The following ABCC9 variants were observed in gnomAD, a reference collection of about 807,000 sequenced individuals.
ABCC9 encodes ATP binding cassette subfamily C member 9, also known as ATP-binding cassette sub-family C member 9.
Under a neutral mutation model 188.3 loss-of-function variants are expected in ABCC9, and 95 were observed. The ratio of observed to expected loss-of-function variants is 0.50; its 90% CI spans 0.43 to 0.60. The LOEUF is 0.60. Among genes scored for constraint, ABCC9 ranks in the 20% least tolerant of loss-of-function variants. ABCC9 has a pLI of 0.00. For synonymous variants in ABCC9, 659 were observed against 652.7 expected (o/e 1.01, Z -0.15); for missense variants, 1,102 against 1,876.3 (o/e 0.59, Z 7.62).
chr12:21,859,572 G>A lies in ABCC9; in HGVS notation c.2505+14C>T. 1.2e-6 allele frequency: 2 copies of A among 1,611,260 alleles called. No individual in the cohort carries two copies. The highest frequency in any genetic ancestry group is 1.7e-6 in the Non-Finnish European group (2 of 1,177,474). ...AGAATGAAATAGAAATAAAAGGGAA[G>A]GCCATATTCTTACCAAAAAGACAAT... On this transcript the variant is annotated intron_variant, in intron 22 of 39. Transcript: ENST00000261200.
chr12:21,837,732 C>T (rs556902037), intron 30 of ABCC9, among the ~76,000 whole-genome samples: 33 of 151,998 alleles, frequency 2.2e-4, no homozygotes, highest in Admixed American at 1.4e-3. Flanking sequence ...GTTAATACTT[C>T]GCAGGGATAA....
At chr12:21,811,975 C>T in intron 36 of ABCC9, 74 bp downstream of exon 36, 2 of 1,058,390 alleles carry the variant, frequency 1.9e-6, no homozygotes, top group Non-Finnish European at 3.0e-6. Context: ...TGAAAAATGA[C>T]TCTGAGTAAA....
rs879461206 is a variant in ABCC9 at position 21,818,476 on chromosome 12, CTA to C, written c.3670-227_3670-226del. ...TCACTATATATATCTATATCTATAT[CTA>C]TATCTATCTATATATATATCTATAT... On this transcript the variant is annotated intron_variant, in intron 31 of 39. Coordinates refer to ENST00000261200, the MANE Select transcript of ABCC9 (RefSeq NM_020297.4). 5.0e-5 allele frequency among the ~76,000 whole-genome samples: 7 copies of C among 141,008 alleles called. 1 individual carries two copies. The highest frequency in any genetic ancestry group is 2.2e-4 in the South Asian group (1 of 4,486). 92.5% of individuals were successfully genotyped at this position (141,008 alleles called of 152,430 possible).
rs1379275418 is a variant in ABCC9 at position 21,798,883 on chromosome 12, G to A, written c.*2161C>T. 2 of 149,924 alleles carry A rather than the reference G, an allele frequency of 1.3e-5. No individual in the cohort carries two copies. Among genetic ancestry groups the A allele is most frequent in the African/African-American group, 4.9e-5 (2 of 40,556 alleles). The allele number at this position is 149,924 out of a possible 1,614,324, so 9.3% of individuals were successfully genotyped here. A position where few individuals can be genotyped will look rare whatever the true frequency, so the allele number is the denominator to read the frequency against. ...CAATGATAGACTGGATTAAGAAAAT[G>A]TGGCACATATACACCATGGAATACT... On this transcript the variant is annotated 3_prime_UTR_variant, in exon 40 of 40. Transcript: ENST00000261200.
intron 20 of ABCC9, among the ~76,000 whole-genome samples, chr12:21,861,385 C>T (rs1272574940): frequency 6.6e-6 from 1 of 152,076 alleles, no homozygotes; most frequent in African/African-American, 2.4e-5. Flanking sequence ...TGTGCACCAC[C>T]ATACCCAGCT....
rs77943222 is a variant in ABCC9, at chr12:21,808,865, G to A, written c.4315+987C>T. ...TATTTTCACAACCTGACCCTGGCAA[G>A]TCAATAAAACATTCCTTAAAGACAT... On this transcript the variant is annotated intron_variant, in intron 37 of 39. Transcript: ENST00000261200. Among the ~76,000 whole-genome samples, 271 of 151,386 alleles carry A rather than the reference G, an allele frequency of 1.8e-3. 1 individual carries two copies. Among genetic ancestry groups the A allele is most frequent in the African/African-American group, 6.1e-3 (253 of 41,178 alleles).
At chr12:21,810,323 A>C (rs1168100578) in intron 36 of ABCC9, among the ~76,000 whole-genome samples, 1 of 152,210 alleles carries the variant, frequency 6.6e-6, no homozygotes, top group Non-Finnish European at 1.5e-5. Context: ...CTATGGGAGC[A>C]TATTACACTA....
At chr12:21,929,025 G>A (rs868660485) in intron 4 of ABCC9, among the ~76,000 whole-genome samples, 2 of 152,070 alleles carry the variant, frequency 1.3e-5, no homozygotes, top group Middle Eastern at 3.4e-3. Context: ...AAATCATTTT[G>A]AAAGACAGAA....
Position 21,841,342 on chromosome 12 carries a change from GTTTCCTTTTT to G in ABCC9, c.3473+962_3473+971del, listed in dbSNP as rs1265762434. Among the ~76,000 whole-genome samples, 182 of 115,180 alleles carry G rather than the reference GTTTCCTTTTT, an allele frequency of 1.6e-3. 19 individuals carry two copies. In the South Asian group the frequency reaches 0.046, roughly 29 times the overall value. 75.6% of individuals were successfully genotyped at this position (115,180 alleles called of 152,430 possible). ...CTTACTCTTTGGGATTATGTTTCTG[GTTTCCTTTTT>G]TTTTTTTTTTTTTTTTTTTTTTTTG... On this transcript the variant is annotated intron_variant, in intron 29 of 39. Coordinates refer to ENST00000261200, the MANE Select transcript of ABCC9 (RefSeq NM_020297.4).
intron 13 of ABCC9, 58 bp from the exon 14 acceptor site, chr12:21,894,232 A>G: frequency 6.3e-7 from 1 of 1,585,628 alleles, no homozygotes; most frequent in South Asian, 1.1e-5. Flanking sequence ...ACATGCGTAC[A>G]TTCAGTCCTA....
intron 5 of ABCC9, chr12:21,924,368 A>T (rs1214822688): frequency 6.6e-6 from 1 of 152,100 alleles, no homozygotes; most frequent in Non-Finnish European, 1.5e-5. Flanking sequence ...GAAAAAATGT[A>T]ATTTGAAGAA....
chr12:21,844,671 T>C, intron 27 of ABCC9, 96 bp downstream of exon 27: 3 of 1,579,674 alleles, frequency 1.9e-6, no homozygotes, highest in Non-Finnish European at 2.6e-6. Context: ...GCTCAAGGAC[T>C]AAAGAAATTC....
rs996233422 is a variant in ABCC9, at chr12:21,805,209, C to A, written c.4512+789G>T. 6.2e-7 allele frequency: 1 copy of A among 1,613,852 alleles called. No homozygotes were observed. On this transcript the variant is annotated intron_variant, in intron 39 of 39. Transcript: ENST00000261200. ...GTCATCACCAAAGTGGAAAAGAGGCCATTCTTGTGGGCGAGCAAATTTGGG... is the reference window on the plus strand; with the variant it reads ...GTCATCACCAAAGTGGAAAAGAGGCAATTCTTGTGGGCGAGCAAATTTGGG...
intron 21 of ABCC9, 27 bp from the exon 22 acceptor site, chr12:21,859,693 C>A: frequency 6.3e-7 from 1 of 1,586,760 alleles, no homozygotes; most frequent in East Asian, 2.2e-5. Flanking sequence ...CCCAAATACC[C>A]ATTTTTTAAT....
intron 29 of ABCC9, among the ~76,000 whole-genome samples, chr12:21,840,032 T>C (rs1032123396): frequency 1.3e-5 from 2 of 152,192 alleles, no homozygotes; most frequent in Non-Finnish European, 2.9e-5. Context: ...GGAAAAATAC[T>C]GTGGAAGGAG....
intron 5 of ABCC9, among the ~76,000 whole-genome samples, chr12:21,917,569 A>G (rs911027341): frequency 6.6e-6 from 1 of 152,174 alleles, no homozygotes; most frequent in South Asian, 2.1e-4. Context: ...TCATGTATCT[A>G]TGTAATTGAG....
chr12:21,869,679 A>G (rs1036457384), intron 18 of ABCC9: 3 of 152,176 alleles, frequency 2.0e-5, no homozygotes, highest in Admixed American at 6.5e-5. Context: ...TACCTTTACT[A>G]TATTGCCTTG....
intron 22 of ABCC9, among the ~76,000 whole-genome samples, chr12:21,853,006 A>T (rs1418581538): frequency 6.6e-6 from 1 of 152,198 alleles, no homozygotes. Flanking sequence ...TCTAGATAAC[A>T]AAACTAGGTA....
chr12:21,937,222 A>C (rs1223392768), intron 2 of ABCC9, among the ~76,000 whole-genome samples: 4 of 152,168 alleles, frequency 2.6e-5, no homozygotes, highest in African/African-American at 9.6e-5. Context: ...GGCTAACAGT[A>C]ATCAGTCTTT....
Sources: allele counts gnomAD v4.1 joint callset (sites outside exome capture counted in the v4.1 genomes callset), GRCh38; gene constraint gnomAD v4.1.1; transcripts MANE v1.5; gene names NCBI Gene and HGNC (gene_info 2026-07-23, HGNC 2026-07-21).